NFU1: variants seen among roughly 807,000 people sequenced by gnomAD.
NFU1 encodes NFU1 iron-sulfur cluster scaffold homolog, mitochondrial.
Under a neutral mutation model 32.2 loss-of-function variants are expected in NFU1, and 30 were observed. The observed-to-expected ratio is 0.93, with a 90% CI of 0.70 to 1.26. The LOEUF (loss-of-function observed/expected upper bound fraction) is 1.26, where lower values mean the gene tolerates loss of function less well. Among genes scored for constraint, NFU1 ranks in the 50% most tolerant of loss-of-function variants. The pLI is 0.00. For synonymous variants in NFU1, 112 were observed against 104.6 expected (o/e 1.07, Z -0.43); for missense variants, 306 against 306.6 (o/e 1.00, Z 0.02).
At chr2:69,432,223 G>A (rs946770410) in intron 1 of NFU1, among the ~76,000 whole-genome samples, 5 of 152,182 alleles carry the variant, frequency 3.3e-5, no homozygotes, top group African/African-American at 1.2e-4. Context: ...GAGCTCAAAT[G>A]GAAATTCCTA....
intron 4 of NFU1, among the ~76,000 whole-genome samples, chr2:69,415,950 G>A (rs1673035904): frequency 6.6e-6 from 1 of 151,788 alleles, no homozygotes; most frequent in Non-Finnish European, 1.5e-5. Flanking sequence ...AACATAGCGA[G>A]ACTTCGTCTC....
rs1426788815 is a variant in NFU1 at position 69,415,372 on chromosome 2, C to T, written c.370-73G>A. ...ACCCATACAGAACACTACCTTATAC[C>T]TCTTTTTTCTTTTTTTTTTTTGAGA... is the stretch of plus-strand genomic sequence containing the variant. On this transcript the variant is annotated intron_variant, in intron 4 of 7. Coordinates refer to ENST00000410022, the MANE Select transcript of NFU1 (RefSeq NM_001002755.4). 8.6e-6 allele frequency: 7 copies of T among 810,498 alleles called. No homozygotes were observed. In the East Asian group the frequency reaches 1.9e-4, roughly 22 times the overall value. 50.2% of individuals were successfully genotyped at this position (810,498 alleles called of 1,614,324 possible).
chr2:69,437,338 G>A (rs779814814), intron 1 of NFU1, 23 bp downstream of exon 1: 2 of 1,601,400 alleles, frequency 1.2e-6, no homozygotes, highest in South Asian at 2.2e-5. Flanking sequence ...ACACCTATTC[G>A]GAGCTCCAGG....
chr2:69,425,515 C>T (rs1311236196), intron 2 of NFU1, among the ~76,000 whole-genome samples: 1 of 151,608 alleles, frequency 6.6e-6, no homozygotes, highest in African/African-American at 2.4e-5. Flanking sequence ...CCACCATGCC[C>T]GGCTAATTTT....
At chr2:69,417,134 T>C in intron 4 of NFU1, among the ~76,000 whole-genome samples, 1 of 151,902 alleles carries the variant, frequency 6.6e-6, no homozygotes, top group East Asian at 1.9e-4. Context: ...ATTCTAAAGT[T>C]GTCTGAATGA....
chr2:69,437,627 C>T (rs1212859923), upstream of NFU1: 5 of 668,936 alleles, frequency 7.5e-6, no homozygotes, highest in South Asian at 6.4e-5. Context: ...GGAACCTTTC[C>T]CGTTTGCGCC....
At chr2:69,426,983 C>G (rs945559681) in intron 2 of NFU1, among the ~76,000 whole-genome samples, 3 of 150,138 alleles carry the variant, frequency 2.0e-5, no homozygotes, top group African/African-American at 7.4e-5. Flanking sequence ...GCAGGAGAAT[C>G]GATTGAACCC....
At chr2:69,396,570 G>A (rs897300245) in intron 7 of NFU1, among the ~76,000 whole-genome samples, 2 of 151,350 alleles carry the variant, frequency 1.3e-5, no homozygotes, top group Admixed American at 1.3e-4. Flanking sequence ...GGAGGATGGC[G>A]TGAACCTGGG....
chr2:69,416,821 C>A (rs1049121535), intron 4 of NFU1, among the ~76,000 whole-genome samples: 1 of 152,106 alleles, frequency 6.6e-6, no homozygotes, highest in East Asian at 1.9e-4. Context: ...TCGCTTGAAC[C>A]CGGGAGGCGG....
chr2:69,435,511 A>G (rs1390503261), intron 1 of NFU1, among the ~76,000 whole-genome samples: 3 of 152,212 alleles, frequency 2.0e-5, no homozygotes, highest in African/African-American at 2.4e-5. Flanking sequence ...AATACAGATG[A>G]ACTGTTTACT....
chr2:69,434,658 T>C (rs1276759700), intron 1 of NFU1, among the ~76,000 whole-genome samples: 1 of 152,214 alleles, frequency 6.6e-6, no homozygotes, highest in Non-Finnish European at 1.5e-5. Flanking sequence ...TGCCACTTCA[T>C]AGGAGCCATA....
At chr2:69,437,665 T>C, upstream of NFU1, 1 of 610,870 alleles carries the variant, frequency 1.6e-6, no homozygotes, top group Non-Finnish European at 2.9e-6. Context: ...CGCAGCACTG[T>C]GAACGCATGC....
chr2:69,435,480 G>A (rs1049813894), intron 1 of NFU1, among the ~76,000 whole-genome samples: 8 of 152,076 alleles, frequency 5.3e-5, no homozygotes, highest in Admixed American at 3.3e-4. Context: ...GAAAGAGTGG[G>A]CACCAATTAA....
chr2:69,409,787 T>C (rs556531098), intron 5 of NFU1, among the ~76,000 whole-genome samples: 2 of 152,106 alleles, frequency 1.3e-5, no homozygotes, highest in Non-Finnish European at 2.9e-5. Context: ...TACCTCCGGC[T>C]CTTCGAGAGG....
At chr2:69,423,541 T>G in intron 3 of NFU1, 41 bp downstream of exon 3, 4 of 1,590,816 alleles carry the variant, frequency 2.5e-6, no homozygotes, top group Non-Finnish European at 3.4e-6. Context: ...CAGTTAGTTA[T>G]TTATGTTTCT....
chr2:69,422,800 T>C (rs1424116639), intron 3 of NFU1, among the ~76,000 whole-genome samples: 5 of 152,012 alleles, frequency 3.3e-5, no homozygotes, highest in Admixed American at 6.6e-5. Flanking sequence ...ATAGTTTCCT[T>C]AACCTCCTGG....
At chr2:69,399,210 CAAAA>C (rs752746093) in intron 7 of NFU1, 1,219 of 199,224 alleles carry the variant, frequency 6.1e-3, no homozygotes, top group South Asian at 8.1e-3. Context: ...ATTCTGTCTC[CAAAA>C]AAAAAAAAAA....
At position 69,407,451 on chromosome 2, in the gene NFU1, C is replaced by T. The variant is rs1574118559; in HGVS notation, c.485-1369G>A. ...CAGCACTTTGGGAGGCTGAGGTAGG[C>T]ACATCACTTGAGGTCAGGAGTTCCA... On this transcript the variant is annotated intron_variant, in intron 5 of 7. Coordinates refer to ENST00000410022, the MANE Select transcript of NFU1 (RefSeq NM_001002755.4). Among the ~76,000 whole-genome samples, 4 of 151,964 alleles carry T rather than the reference C, an allele frequency of 2.6e-5. No individual in the cohort carries two copies. The South Asian group carries it at 8.3e-4, about 32-fold the overall frequency.
downstream of NFU1, chr2:69,395,765 T>C (rs1033016509): frequency 1.3e-5 from 2 of 153,908 alleles, no homozygotes; most frequent in African/African-American, 4.8e-5. Context: ...TTTCTTTTTT[T>C]TGGTCTTAAG....
Sources: allele counts gnomAD v4.1 joint callset (sites outside exome capture counted in the v4.1 genomes callset), GRCh38; gene constraint gnomAD v4.1.1; transcripts MANE v1.5; gene names NCBI Gene and HGNC (gene_info 2026-07-23, HGNC 2026-07-21).